Variants in CREB5 observed in about 807,000 individuals in gnomAD.
CREB5 encodes cyclic AMP-responsive element-binding protein 5.
In CREB5, 19 loss-of-function variants were observed where a neutral mutation model predicts 57.1. The observed-to-expected ratio is 0.33, with a 90% CI of 0.23 to 0.49. The LOEUF (loss-of-function observed/expected upper bound fraction) is 0.49. Among genes scored for constraint, CREB5 ranks in the 20% least tolerant of loss-of-function variants. The pLI is 0.99. For missense variants in CREB5, 579 were observed against 671.6 expected (o/e 0.86, Z 1.52); for synonymous variants, 238 against 238.3 (o/e 1.00, Z 0.01).
chr7:28,481,771 GAGAC>G (rs1490279114), intron 1 of CREB5, among the ~76,000 whole-genome samples: 1 of 152,146 alleles, frequency 6.6e-6, no homozygotes, highest in Non-Finnish European at 1.5e-5. Context: ...GTGTCTGTGT[GAGAC>G]AGACAGACAG....
chr7:28,316,761 G>T (rs754366965), intron 1 of CREB5, among the ~76,000 whole-genome samples: 14 of 152,176 alleles, frequency 9.2e-5, no homozygotes, highest in Non-Finnish European at 1.8e-4. Flanking sequence ...TGAGTCAACA[G>T]CTCTAACTGT....
intron 4 of CREB5, among the ~76,000 whole-genome samples, chr7:28,550,579 T>C (rs1794595128): frequency 6.6e-6 from 1 of 152,184 alleles, no homozygotes; most frequent in Admixed American, 6.6e-5. Flanking sequence ...CATCTCTGCC[T>C]CTTCTATCTC....
chr7:28,611,194 C>G (rs1336326132), intron 5 of CREB5, among the ~76,000 whole-genome samples: 13 of 151,966 alleles, frequency 8.6e-5, no homozygotes, highest in Admixed American at 7.9e-4. Context: ...ACAGGTCTCC[C>G]CTGATATGTC....
intron 5 of CREB5, among the ~76,000 whole-genome samples, chr7:28,711,202 C>T (rs1414135531): frequency 6.6e-6 from 1 of 152,040 alleles, no homozygotes; most frequent in Non-Finnish European, 1.5e-5. Context: ...AGGAGAGGGG[C>T]TAGGGAAGAG....
chr7:28,591,192 C>T (rs1796499663), intron 5 of CREB5, among the ~76,000 whole-genome samples: 1 of 152,154 alleles, frequency 6.6e-6, no homozygotes, highest in African/African-American at 2.4e-5. Context: ...GAGCAATGGC[C>T]AAAGGGCATC....
At chr7:28,418,902 A>G (rs1788122192) in intron 1 of CREB5, among the ~76,000 whole-genome samples, 1 of 152,034 alleles carries the variant, frequency 6.6e-6, no homozygotes, top group African/African-American at 2.4e-5. Flanking sequence ...TGCTTGTACT[A>G]TTGCGCTTGT....
rs1562606568 is a variant in CREB5 at position 28,737,563 on chromosome 7, AT to A, written c.702+13232del. 3.5e-3 allele frequency among the ~76,000 whole-genome samples: 446 copies of A among 126,142 alleles called. 15 individuals are homozygous for A. The highest frequency in any genetic ancestry group is 8.3e-3 in the African/African-American group (290 of 34,768). The allele number at this position is 126,142 out of a possible 152,430, so 82.8% of individuals were successfully genotyped here. On this transcript the variant is annotated intron_variant, in intron 7 of 10. Transcript: ENST00000357727. ...CGTATATATATATATATATATATATATATATATATATATATATATATATATT... is the reference window on the plus strand; with the variant it reads ...CGTATATATATATATATATATATATAATATATATATATATATATATATATT...
At chr7:28,413,562 A>G (rs1216815295) in intron 1 of CREB5, among the ~76,000 whole-genome samples, 1 of 152,196 alleles carries the variant, frequency 6.6e-6, no homozygotes, top group Non-Finnish European at 1.5e-5. Flanking sequence ...CATAGTAAAC[A>G]TATTTGAAAA....
At chr7:28,670,548 C>A (rs1799997319) in intron 5 of CREB5, among the ~76,000 whole-genome samples, 1 of 152,216 alleles carries the variant, frequency 6.6e-6, no homozygotes, top group Non-Finnish European at 1.5e-5. Context: ...GAAGCTGACA[C>A]TTTACCCCAA....
chr7:28,543,785 G>A (rs573435281), intron 4 of CREB5, among the ~76,000 whole-genome samples: 23 of 151,914 alleles, frequency 1.5e-4, no homozygotes, highest in Admixed American at 1.3e-3. Flanking sequence ...ACAGTGCCAC[G>A]TTCCTGTGAG....
chr7:28,561,454 G>C (rs1393134673), intron 4 of CREB5, among the ~76,000 whole-genome samples: 1 of 152,178 alleles, frequency 6.6e-6, no homozygotes, highest in Admixed American at 6.6e-5. Context: ...TAGAATAATG[G>C]CTGCTAACGT....
At chr7:28,630,127 G>A (rs1798149320) in intron 5 of CREB5, among the ~76,000 whole-genome samples, 1 of 152,178 alleles carries the variant, frequency 6.6e-6, no homozygotes, top group African/African-American at 2.4e-5. Context: ...AATCGTTAGA[G>A]GGTACTACTT....
intron 3 of CREB5, among the ~76,000 whole-genome samples, chr7:28,504,086 G>A (rs1056269955): frequency 2.0e-5 from 3 of 152,014 alleles, no homozygotes; most frequent in Non-Finnish European, 2.9e-5. Context: ...CAGAAAATGG[G>A]GCTTAACTTT....
Position 28,797,365 on chromosome 7 carries a change from G to C in CREB5, c.703-6834G>C, listed in dbSNP as rs77085336. Among the ~76,000 whole-genome samples, 16 of 152,196 alleles carry C rather than the reference G, an allele frequency of 1.1e-4. No individual in the cohort carries two copies. In the East Asian group the frequency reaches 3.1e-3, roughly 29 times the overall value. Reference sequence around the variant, plus strand: ...TATTGATTTCTAATACAACTCCTTTGTGTTATTTACTAATTATATCCTTTC... The same window carrying C: ...TATTGATTTCTAATACAACTCCTTTCTGTTATTTACTAATTATATCCTTTC... On this transcript the variant is annotated intron_variant, in intron 7 of 10. Coordinates refer to ENST00000357727, the MANE Select transcript of CREB5 (RefSeq NM_182898.4).
chr7:28,456,227 G>A (rs1790088091), intron 1 of CREB5, among the ~76,000 whole-genome samples: 1 of 116,786 alleles, frequency 8.6e-6, no homozygotes, highest in Non-Finnish European at 1.7e-5. Context: ...AAAGAGAAAG[G>A]CTGAGAGGAT....
At chr7:28,535,874 A>G (rs543531426) in intron 4 of CREB5, among the ~76,000 whole-genome samples, 8 of 152,308 alleles carry the variant, frequency 5.3e-5, no homozygotes, top group African/African-American at 1.9e-4. Context: ...CCAAAAGCCT[A>G]CATGGTAGAA....
intron 4 of CREB5, among the ~76,000 whole-genome samples, chr7:28,540,782 G>A (rs1487298373): frequency 6.6e-6 from 1 of 152,148 alleles, no homozygotes; most frequent in Non-Finnish European, 1.5e-5. Context: ...TTGTAAGAAG[G>A]TCAGAAAGGA....
intron 5 of CREB5, among the ~76,000 whole-genome samples, chr7:28,624,354 TC>T (rs1421392451): frequency 6.6e-6 from 1 of 152,260 alleles, no homozygotes; most frequent in Admixed American, 6.5e-5. Context: ...GAACTCATTT[TC>T]TGTTTACTCT....
chr7:28,682,718 G>T (rs1216130243), intron 5 of CREB5, among the ~76,000 whole-genome samples: 1 of 151,684 alleles, frequency 6.6e-6, no homozygotes, highest in East Asian at 1.9e-4. Context: ...CTCTAGGAAG[G>T]ATCTCCATTG....
Sources: allele counts gnomAD v4.1 joint callset (sites outside exome capture counted in the v4.1 genomes callset), GRCh38; gene constraint gnomAD v4.1.1; transcripts MANE v1.5; gene names NCBI Gene and HGNC (gene_info 2026-07-23, HGNC 2026-07-21).